The following TMEM131 variants were observed in gnomAD, a reference collection of about 807,000 sequenced individuals.
The protein encoded by TMEM131 is 2610524E03Rik.
A neutral mutation model predicts 211.6 loss-of-function variants in TMEM131; 66 were observed. That is an observed-to-expected ratio of 0.31 (90% CI 0.26 to 0.38). The LOEUF is 0.38. Ranked by LOEUF, TMEM131 falls within the 10% of genes least tolerant of loss-of-function variation. TMEM131 has a pLI of 1.00. For missense variants in TMEM131, 2,036 were observed against 2,299.3 expected (o/e 0.89, Z 2.34); for synonymous variants, 844 against 841.3 (o/e 1.00, Z -0.06).
chr2:97,910,692 T>G (rs1199123488), intron 2 of TMEM131, among the ~76,000 whole-genome samples: 3 of 152,212 alleles, frequency 2.0e-5, no homozygotes, highest in Non-Finnish European at 2.9e-5. Context: ...ATTGTGGTTT[T>G]GATTTGCATT....
intron 31 of TMEM131, 77 bp downstream of exon 31, chr2:97,792,309 T>C: frequency 8.1e-7 from 1 of 1,240,186 alleles, no homozygotes; most frequent in Non-Finnish European, 1.1e-6. Context: ...ACCACAACTA[T>C]AATCTTAATA....
intron 1 of TMEM131, among the ~76,000 whole-genome samples, chr2:97,965,958 G>A (rs1198534129): frequency 6.6e-6 from 1 of 151,746 alleles, no homozygotes; most frequent in African/African-American, 2.4e-5. Flanking sequence ...AAAAAGAACA[G>A]TAATGCAAGG....
At chr2:97,944,255 C>A (rs978782835) in intron 1 of TMEM131, among the ~76,000 whole-genome samples, 3 of 152,058 alleles carry the variant, frequency 2.0e-5, no homozygotes, top group Non-Finnish European at 4.4e-5. Flanking sequence ...ACAACTGGCA[C>A]TGGAATAACT....
At chr2:97,981,515 C>T (rs889352744) in intron 1 of TMEM131, among the ~76,000 whole-genome samples, 2 of 152,146 alleles carry the variant, frequency 1.3e-5, no homozygotes, top group East Asian at 1.9e-4. Flanking sequence ...TAGAACTTTG[C>T]CACCCAAATA....
chr2:97,826,780 T>C (rs1020456642), intron 11 of TMEM131, among the ~76,000 whole-genome samples: 4 of 152,184 alleles, frequency 2.6e-5, no homozygotes, highest in Admixed American at 6.5e-5. Context: ...AAACCTATAA[T>C]TGATAATTGA....
chr2:97,809,657 A>G lies in TMEM131; in HGVS notation c.2055+31T>C, dbSNP rs773942717. The G allele has an allele frequency of 5.2e-6, 8 of 1,540,880 alleles. No individual in the cohort carries two copies. The Admixed American group carries it at 1.4e-4, about 27-fold the overall frequency. ...CTAAAGGCAAAGGCAAAAAACGAGC[A>G]ATAGAAAAATGTGTGTATTAATGGT... On this transcript the variant is annotated intron_variant, in intron 19 of 40. Coordinates refer to ENST00000186436, the MANE Select transcript of TMEM131 (RefSeq NM_015348.2).
chr2:97,758,922 TGGCTGGCCA>T lies in TMEM131; in HGVS notation c.5329_5337del (p.Trp1777_Ala1779del). The T allele has an allele frequency of 6.2e-7, 1 of 1,613,600 alleles. No individual in the cohort carries two copies. Among genetic ancestry groups the T allele is most frequent in the Non-Finnish European group, 8.5e-7 (1 of 1,179,750 alleles). ...GCTGTGTGGGTCGGGGAGCCGGAAC[TGGCTGGCCA>T]GGAAGGACTGGGATCTGTCGCTGGC... On this transcript the variant is annotated inframe_deletion, in exon 40 of 41. Coordinates refer to ENST00000186436, the MANE Select transcript of TMEM131 (RefSeq NM_015348.2).
chr2:97,846,758 C>G (rs993122468), intron 5 of TMEM131, among the ~76,000 whole-genome samples: 2 of 152,148 alleles, frequency 1.3e-5, no homozygotes, highest in Non-Finnish European at 2.9e-5. Context: ...CCCAGGGAAG[C>G]AAAGATTGGA....
intron 17 of TMEM131, 38 bp downstream of exon 17, chr2:97,812,383 C>A (rs1290162595): frequency 6.4e-7 from 1 of 1,573,884 alleles, no homozygotes; most frequent in South Asian, 1.2e-5. Context: ...GTTTAGACAT[C>A]CATCTTACTT....
rs561068743 is a variant in TMEM131 at position 97,805,307 on chromosome 2, G to T, written c.2284+69C>A. Reference sequence around the variant, plus strand: ...AAAGACAGCAATGTACTTTAAAAGTGGCGGCCTCTTACTAAAAGAGTATTT... The same window carrying T: ...AAAGACAGCAATGTACTTTAAAAGTTGCGGCCTCTTACTAAAAGAGTATTT... On this transcript the variant is annotated intron_variant, in intron 21 of 40. Transcript: ENST00000186436. The T allele has an allele frequency of 3.2e-6, 5 of 1,568,484 alleles. No homozygotes were observed. In the East Asian group the frequency reaches 9.1e-5, roughly 29 times the overall value.
rs118179219 is a variant in TMEM131, at chr2:97,917,895, G to C, written c.250-9197C>G. The stretch of plus-strand genomic sequence containing the variant: ...CACATTTCGGCTTCCCTAGAGGAGG[G>C]TGGGTTGGCTCAAAGCCCAACCCTC... On this transcript the variant is annotated intron_variant, in intron 2 of 40. Transcript: ENST00000186436. Among the ~76,000 whole-genome samples, 489 of 152,062 alleles carry C rather than the reference G, an allele frequency of 3.2e-3. 7 individuals carry two copies. The East Asian group carries it at 0.041, about 13-fold the overall frequency.
At chr2:97,823,075 T>C (rs902282574) in intron 11 of TMEM131, among the ~76,000 whole-genome samples, 1 of 152,158 alleles carries the variant, frequency 6.6e-6, no homozygotes, top group East Asian at 1.9e-4. Context: ...TTTCTTTTCA[T>C]TGACGGAGAA....
intron 11 of TMEM131, among the ~76,000 whole-genome samples, chr2:97,830,541 T>C (rs2044459): frequency 0.31 from 46,954 of 152,134 alleles, 8,571 homozygotes; most frequent in Non-Finnish European, 0.39. Flanking sequence ...AAAAGCACTT[T>C]CAGCATTTAA....
intron 35 of TMEM131, chr2:97,762,460 C>T (rs1678903582): frequency 3.0e-6 from 1 of 336,528 alleles, no homozygotes. Context: ...CTTCACTTCT[C>T]CCACCTCAGG....
chr2:97,760,191 G>C (rs1213340876), intron 38 of TMEM131: 2 of 271,748 alleles, frequency 7.4e-6, no homozygotes, highest in African/African-American at 4.4e-5. Context: ...GCCTGCTCAA[G>C]AAAGAGGCGT....
At chr2:97,857,932 G>A (rs1573468443) in intron 5 of TMEM131, among the ~76,000 whole-genome samples, 1 of 152,148 alleles carries the variant, frequency 6.6e-6, no homozygotes, top group East Asian at 1.9e-4. Flanking sequence ...TCAAGGGAAA[G>A]CTATTTTAAG....
chr2:97,926,670 A>C (rs1202281938), intron 2 of TMEM131, among the ~76,000 whole-genome samples: 1 of 152,190 alleles, frequency 6.6e-6, no homozygotes, highest in Non-Finnish European at 1.5e-5. Context: ...CAAGCATCTG[A>C]GCAGATCCAA....
At chr2:97,872,047 G>A (rs1674511866) in intron 4 of TMEM131, among the ~76,000 whole-genome samples, 1 of 151,934 alleles carries the variant, frequency 6.6e-6, no homozygotes, top group South Asian at 2.1e-4. Context: ...AAGAGGGGGA[G>A]GGAAAGGGAG....
rs772909521 is a variant in TMEM131, at chr2:97,805,074, C to G, written c.2402+14G>C. 1 of 1,551,816 alleles carries G rather than the reference C, an allele frequency of 6.4e-7. No homozygotes were observed. The highest frequency in any genetic ancestry group is 1.9e-5 in the Admixed American group (1 of 53,256). On this transcript the variant is annotated intron_variant, in intron 22 of 40. Coordinates refer to ENST00000186436, the MANE Select transcript of TMEM131 (RefSeq NM_015348.2). ...TGTAAAGATGGCTAAAATAAATAAA[C>G]ATAAACCACTCACCTATGACCTGAA...
Sources: gnomAD v4.1 joint callset for allele counts (sites outside exome capture counted in the v4.1 genomes callset) on GRCh38, gnomAD v4.1.1 for gene constraint, MANE v1.5 for transcripts, NCBI Gene and HGNC (gene_info 2026-07-23, HGNC 2026-07-21) for gene names.